The following ACYP2 variants were observed in gnomAD, a reference collection of about 807,000 sequenced individuals.
The protein encoded by ACYP2 is acylphosphatase-2.
Under a neutral mutation model 11.2 loss-of-function variants are expected in ACYP2, and 12 were observed. The observed-to-expected ratio is 1.08, with a 90% CI of 0.69 to 1.74. The LOEUF is 1.74. Among genes scored for constraint, ACYP2 ranks in the 40% most tolerant of loss-of-function variants. ACYP2 has a pLI of 0.00. For synonymous variants in ACYP2, 43 were observed against 32.2 expected, an observed-to-expected ratio of 1.33 and a Z score of -1.13; for missense variants, 134 against 101.9, an observed-to-expected ratio of 1.31 and a Z score of -1.35.
intron 1 of ACYP2, among the ~76,000 whole-genome samples, chr2:53,971,704 A>T (rs879272836): frequency 6.6e-6 from 1 of 152,224 alleles, no homozygotes; most frequent in Non-Finnish European, 1.5e-5. Context: ...TAGGAACTCT[A>T]CAAAGAAGTT....
chr2:54,032,741 AT>A (rs1304538531), intron 2 of ACYP2, among the ~76,000 whole-genome samples: 2 of 152,208 alleles, frequency 1.3e-5, no homozygotes, highest in Non-Finnish European at 2.9e-5. Context: ...AGAGAATAAA[AT>A]ACCTAGGAAT....
chr2:54,113,779 C>G (rs1441024136), intron 4 of ACYP2, among the ~76,000 whole-genome samples: 2 of 152,246 alleles, frequency 1.3e-5, no homozygotes, highest in African/African-American at 4.8e-5. Context: ...AACCTCTGTA[C>G]TGAGAGAGCA....
chr2:54,096,765 T>C (rs893265373), intron 4 of ACYP2, among the ~76,000 whole-genome samples: 12 of 152,086 alleles, frequency 7.9e-5, no homozygotes, highest in African/African-American at 2.2e-4. Flanking sequence ...GAGGTTGCAG[T>C]GAGCTGAGAT....
intron 2 of ACYP2, among the ~76,000 whole-genome samples, chr2:54,008,580 C>A (rs975098989): frequency 4.6e-5 from 7 of 152,148 alleles, no homozygotes; most frequent in Non-Finnish European, 8.8e-5. Flanking sequence ...GAATTACATT[C>A]TTTGGCCAGG....
At chr2:54,247,687 A>G (rs1456833524) in intron 6 of ACYP2, among the ~76,000 whole-genome samples, 1 of 152,246 alleles carries the variant, frequency 6.6e-6, no homozygotes, top group Non-Finnish European at 1.5e-5. Context: ...AATGTTTCAT[A>G]TGCTAAGAAA....
intron 6 of ACYP2, among the ~76,000 whole-genome samples, chr2:54,229,695 C>CAAAG (rs957746869): frequency 2.6e-5 from 4 of 152,094 alleles, no homozygotes; most frequent in African/African-American, 9.7e-5. Flanking sequence ...ATAACAGCAC[C>CAAAG]AAAGACTAGT....
At chr2:54,026,204 C>G (rs1478910631) in intron 2 of ACYP2, among the ~76,000 whole-genome samples, 1 of 152,008 alleles carries the variant, frequency 6.6e-6, no homozygotes, top group East Asian at 1.9e-4. Flanking sequence ...TGTCCAGAAT[C>G]TACAAGGAAC....
intron 2 of ACYP2, among the ~76,000 whole-genome samples, chr2:54,033,899 A>G (rs1674728652): frequency 1.3e-5 from 2 of 152,244 alleles, no homozygotes; most frequent in African/African-American, 4.8e-5. Flanking sequence ...CCAGAAATAC[A>G]TGCTGTCAAG....
At chr2:54,043,770 A>G (rs1212425257) in intron 2 of ACYP2, among the ~76,000 whole-genome samples, 3 of 152,026 alleles carry the variant, frequency 2.0e-5, no homozygotes, top group African/African-American at 7.3e-5. Flanking sequence ...CACATTATCT[A>G]TAACTGCATC....
At chr2:54,278,620 T>C (rs375116084) in intron 6 of ACYP2, among the ~76,000 whole-genome samples, 3 of 152,172 alleles carry the variant, frequency 2.0e-5, no homozygotes, top group African/African-American at 7.2e-5. Flanking sequence ...ATTGTTGGCT[T>C]TTATGACATA....
intron 4 of ACYP2, among the ~76,000 whole-genome samples, chr2:54,094,384 T>G (rs528854655): frequency 6.7e-6 from 1 of 150,340 alleles, no homozygotes; most frequent in African/African-American, 2.4e-5. Context: ...TGTGCCACCA[T>G]GCCTAGCTAA....
At position 54,267,465 on chromosome 2, in the gene ACYP2, G is replaced by A. The variant is rs1688090455; in HGVS notation, c.405-37223G>A. On this transcript the variant is annotated intron_variant, in intron 6 of 6. Coordinates refer to ENST00000607452, the MANE Select transcript of ACYP2 (RefSeq NM_001320586.2). ...AGGAATTGGGAGCTGGGGGAAGAGT[G>A]GTCCTAAAGCCTCCCTAGATGAATT... is the stretch of plus-strand genomic sequence containing the variant. 1.6e-5 allele frequency: 17 copies of A among 1,085,358 alleles called. No individual in the cohort carries two copies. The Middle Eastern group carries it at 1.7e-3, about 107-fold the overall frequency. The allele number at this position is 1,085,358 out of a possible 1,614,324, so 67.2% of individuals were successfully genotyped here. A position where few individuals can be genotyped will look rare whatever the true frequency, so the allele number is the denominator to read the frequency against.
chr2:54,139,285 A>G (rs1474617478), intron 6 of ACYP2, among the ~76,000 whole-genome samples: 2 of 152,344 alleles, frequency 1.3e-5, no homozygotes, highest in East Asian at 3.9e-4. Flanking sequence ...GTAGCGTTCC[A>G]GGCAAAAAGA....
intron 2 of ACYP2, among the ~76,000 whole-genome samples, chr2:54,050,698 A>G (rs1401145440): frequency 6.6e-6 from 1 of 152,168 alleles, no homozygotes; most frequent in Non-Finnish European, 1.5e-5. Flanking sequence ...AAACAATTGC[A>G]TCCCCCTAAA....
At chr2:53,976,354 C>T (rs1368691063) in intron 2 of ACYP2, among the ~76,000 whole-genome samples, 1 of 152,132 alleles carries the variant, frequency 6.6e-6, no homozygotes, top group African/African-American at 2.4e-5. Flanking sequence ...ACTACAGGTG[C>T]ATGCTACCAT....
intron 6 of ACYP2, among the ~76,000 whole-genome samples, chr2:54,146,439 AT>A (rs11360655): frequency 0.13 from 18,834 of 140,452 alleles, 1,223 homozygotes; most frequent in African/African-American, 0.2. Flanking sequence ...CTGATCCTCT[AT>A]TTTTTTTTTT....
chr2:54,230,108 T>C (rs897847463), intron 6 of ACYP2, among the ~76,000 whole-genome samples: 2 of 152,228 alleles, frequency 1.3e-5, no homozygotes, highest in African/African-American at 4.8e-5. Context: ...ATATATTTCC[T>C]TGTTATACCT....
intron 2 of ACYP2, among the ~76,000 whole-genome samples, chr2:54,021,733 A>C (rs1384831003): frequency 7.9e-5 from 12 of 152,216 alleles, no homozygotes; most frequent in Non-Finnish European, 1.5e-4. Flanking sequence ...AATCCAAAAC[A>C]ACTGGACAAA....
intron 4 of ACYP2, among the ~76,000 whole-genome samples, chr2:54,057,515 G>A (rs1212457111): frequency 6.6e-6 from 1 of 152,128 alleles, no homozygotes; most frequent in African/African-American, 2.4e-5. Context: ...AACGAATATT[G>A]AGTCTATGTT....
Sources: gnomAD v4.1 joint callset for allele counts (sites outside exome capture counted in the v4.1 genomes callset) on GRCh38, gnomAD v4.1.1 for gene constraint, MANE v1.5 for transcripts, NCBI Gene and HGNC (gene_info 2026-07-23, HGNC 2026-07-21) for gene names.